RTCB: variants seen among roughly 807,000 people sequenced by gnomAD.
The protein encoded by RTCB is RNA-splicing ligase RTCB.
Under a neutral mutation model 58.2 loss-of-function variants are expected in RTCB, and 32 were observed. That is an observed-to-expected ratio of 0.55 (90% CI 0.41 to 0.74). The LOEUF (loss-of-function observed/expected upper bound fraction) is 0.74. Ranked by LOEUF, RTCB falls within the 30% of genes least tolerant of loss-of-function variation. The pLI is 0.00. For synonymous variants in RTCB, 247 were observed against 218.6 expected, an observed-to-expected ratio of 1.13 and a Z score of -1.15; for missense variants, 523 against 639.0, an observed-to-expected ratio of 0.82 and a Z score of 1.96.
At position 32,397,177 on chromosome 22, in the gene RTCB, A is replaced by G. The variant is rs1933259456; in HGVS notation, c.814+764T>C. Among the ~76,000 whole-genome samples, 3 of 152,090 alleles carry G rather than the reference A, an allele frequency of 2.0e-5. No individual in the cohort carries two copies. In the South Asian group the frequency reaches 6.2e-4, roughly 31 times the overall value. On this transcript the variant is annotated intron_variant, in intron 7 of 11. Transcript: ENST00000216038. The stretch of plus-strand genomic sequence containing the variant: ...AAAGTTTCTTTTGTTTTTTGTTTTC[A>G]TTTCTGCGTTCATCCCGCTTCATTC...
chr22:32,392,370 A>C lies in RTCB; in HGVS notation c.1291-11T>G. Reference sequence around the variant, plus strand: ...GGACAATGCACGGCCCTAGAATGGGAAAGGAATGAACTTTACTTTAAACCC... The same window carrying C: ...GGACAATGCACGGCCCTAGAATGGGCAAGGAATGAACTTTACTTTAAACCC... On this transcript the variant is annotated splice_polypyrimidine_tract_variant and intron_variant, in intron 10 of 11. Coordinates refer to ENST00000216038, the MANE Select transcript of RTCB (RefSeq NM_014306.5). The C allele has an allele frequency of 1.2e-6, 2 of 1,613,372 alleles. No individual in the cohort carries two copies. Among genetic ancestry groups the C allele is most frequent in the Non-Finnish European group, 8.5e-7 (1 of 1,179,568 alleles).
At chr22:32,403,146 C>A (rs1933365390) in intron 4 of RTCB, among the ~76,000 whole-genome samples, 2 of 152,044 alleles carry the variant, frequency 1.3e-5, no homozygotes, top group Admixed American at 1.3e-4. Flanking sequence ...GGGGCTCGTG[C>A]CTGTAATCCC....
chr22:32,405,867 T>C (rs971246875), intron 4 of RTCB, among the ~76,000 whole-genome samples: 1 of 152,224 alleles, frequency 6.6e-6, no homozygotes, highest in Admixed American at 6.5e-5. Context: ...ATATAGAATG[T>C]TTATTGAAAG....
intron 11 of RTCB, among the ~76,000 whole-genome samples, chr22:32,388,607 C>G (rs1334924075): frequency 1.3e-5 from 2 of 151,906 alleles, no homozygotes; most frequent in Admixed American, 6.5e-5. Context: ...ATGTGGGTAT[C>G]TATGTGTACC....
chr22:32,408,844 G>A lies in RTCB; in HGVS notation c.94-11C>T. The A allele has an allele frequency of 1.2e-6, 2 of 1,606,138 alleles. No homozygotes were observed. The highest frequency in any genetic ancestry group is 1.7e-6 in the Non-Finnish European group (2 of 1,172,806). On this transcript the variant is annotated splice_polypyrimidine_tract_variant and intron_variant, in intron 1 of 11. Transcript: ENST00000216038. ...GAAAACACCTTCAACCTAGTACCAA[G>A]GAAAGTGAAAAGCAATGTCTGAGTA... is the stretch of plus-strand genomic sequence containing the variant.
intron 11 of RTCB, among the ~76,000 whole-genome samples, chr22:32,391,053 TG>T (rs1288468776): frequency 1.3e-5 from 2 of 152,164 alleles, no homozygotes; most frequent in African/African-American, 4.8e-5. Context: ...CTTCCTGCAT[TG>T]GCCTCCCAAA....
chr22:32,394,432 C>A (rs994904670), intron 9 of RTCB, among the ~76,000 whole-genome samples: 1 of 152,120 alleles, frequency 6.6e-6, no homozygotes, highest in Non-Finnish European at 1.5e-5. Flanking sequence ...GACTTCTAAA[C>A]GCGCGGCTAG....
chr22:32,399,863 C>T (rs994866518), intron 5 of RTCB, 104 bp from the exon 6 acceptor site: 2 of 1,084,718 alleles, frequency 1.8e-6, no homozygotes, highest in African/African-American at 1.6e-5. Flanking sequence ...CATTTACTAT[C>T]TCCTGTGTTC....
At chr22:32,390,089 C>A (rs2145888052) in intron 11 of RTCB, among the ~76,000 whole-genome samples, 1 of 152,334 alleles carries the variant, frequency 6.6e-6, no homozygotes. Flanking sequence ...TCACTGAAGT[C>A]TTCTCCGACC....
intron 4 of RTCB, among the ~76,000 whole-genome samples, chr22:32,403,430 G>C (rs1290838828): frequency 1.3e-5 from 2 of 151,996 alleles, no homozygotes; most frequent in Non-Finnish European, 2.9e-5. Context: ...AAAAAAACCT[G>C]TATATATTTA....
At chr22:32,409,528 ATTGT>A (rs1459273487) in intron 1 of RTCB, among the ~76,000 whole-genome samples, 5,255 of 152,332 alleles carry the variant, frequency 0.034, 291 homozygotes, top group African/African-American at 0.12. Flanking sequence ...CAGGTCAAAT[ATTGT>A]GAAAGAGCTG....
chr22:32,399,853 C>A, intron 5 of RTCB, 94 bp from the exon 6 acceptor site: 1 of 1,162,340 alleles, frequency 8.6e-7, no homozygotes. Context: ...AAAAACTCGA[C>A]ATTTACTATC....
chr22:32,396,098 A>G lies in RTCB; in HGVS notation c.966T>C (p.Ser322=). The change falls in exon 8 of 12, where the codon TCT becomes TCC. Residue 322 remains serine, a synonymous_variant. Coordinates refer to ENST00000216038, the MANE Select transcript of RTCB (RefSeq NM_014306.5). ...CCTGACGGGTTAAGAAGGTCATGGAAGAGCGGTTGACCCAGGCATAGTTCC... is the reference window on the plus strand; with the variant it reads ...CCTGACGGGTTAAGAAGGTCATGGAGGAGCGGTTGACCCAGGCATAGTTCC... The part of the protein sequence containing the change: ...AAGNYAWVNR[S]SMTFLTRQAF... 1 of 1,614,146 alleles carries G rather than the reference A, an allele frequency of 6.2e-7. No homozygotes were observed. Among genetic ancestry groups the G allele is most frequent in the South Asian group, 1.1e-5 (1 of 91,078 alleles).
At chr22:32,411,923 G>C (rs1020222106) in intron 1 of RTCB, 141 bp downstream of exon 1, 12 of 631,552 alleles carry the variant, frequency 1.9e-5, no homozygotes, top group Non-Finnish European at 2.9e-5. Context: ...AGAACCGTGA[G>C]GGGAGAAGGA....
Position 32,387,942 on chromosome 22 carries a change from T to C in RTCB, c.*50A>G. ...TGTCAGAAGAGCATGTCAGTCCACT[T>C]CCACTTCAGAGAGGGTTGGTGGTGT... On this transcript the variant is annotated 3_prime_UTR_variant, in exon 12 of 12. Transcript: ENST00000216038. 1.7e-6 allele frequency: 2 copies of C among 1,207,798 alleles called. No homozygotes were observed. Among genetic ancestry groups the C allele is most frequent in the Non-Finnish European group, 2.5e-6 (2 of 811,676 alleles). The allele number at this position is 1,207,798 out of a possible 1,614,324, so 74.8% of individuals were successfully genotyped here.
At chr22:32,408,673 T>C (rs941871319) in intron 2 of RTCB, 82 bp downstream of exon 2, 1 of 990,944 alleles carries the variant, frequency 1.0e-6, no homozygotes, top group African/African-American at 1.6e-5. Flanking sequence ...ATTTCAGAAT[T>C]ATAATTATTT....
At chr22:32,410,722 C>CT (rs5844994) in intron 1 of RTCB, among the ~76,000 whole-genome samples, 274 of 140,396 alleles carry the variant, frequency 2.0e-3, no homozygotes, top group East Asian at 2.8e-3. Context: ...TTTTTCTTTT[C>CT]TTTTTTTTTT....
chr22:32,395,275 G>A (rs1381253924), intron 8 of RTCB, 61 bp from the exon 9 acceptor site: 25 of 1,421,594 alleles, frequency 1.8e-5, no homozygotes, highest in Admixed American at 3.7e-5. Context: ...TCAGCTCTTC[G>A]TGACTCATCT....
At chr22:32,408,555 C>T (rs1933466405) in intron 2 of RTCB, among the ~76,000 whole-genome samples, 200 bp downstream of exon 2, 1 of 152,196 alleles carries the variant, frequency 6.6e-6, no homozygotes, top group Non-Finnish European at 1.5e-5. Flanking sequence ...CTTCAAATTC[C>T]AGATGGAGCT....
Sources: gnomAD v4.1 joint callset for allele counts (sites outside exome capture counted in the v4.1 genomes callset) on GRCh38, gnomAD v4.1.1 for gene constraint, MANE v1.5 for transcripts, NCBI Gene and HGNC (gene_info 2026-07-23, HGNC 2026-07-21) for gene names.